PDE1C: variants seen among roughly 807,000 people sequenced by gnomAD.
PDE1C encodes the protein dual specificity calcium/calmodulin-dependent 3',5'-cyclic nucleotide phosphodiesterase 1C.
PDE1C carries 62 observed loss-of-function variants against 93.1 expected under a neutral mutation model. The observed-to-expected ratio is 0.67, with a 90% CI of 0.54 to 0.82. The LOEUF (loss-of-function observed/expected upper bound fraction) is 0.82. Ranked by LOEUF, PDE1C falls within the 40% of genes least tolerant of loss-of-function variation. The pLI, the probability that PDE1C is intolerant of heterozygous loss-of-function variation, is 0.00. For synonymous variants in PDE1C, 325 were observed against 310.1 expected, an observed-to-expected ratio of 1.05 and a Z score of -0.50; for missense variants, 742 against 884.6, an observed-to-expected ratio of 0.84 and a Z score of 2.04.
chr7:32,384,893 T>A (rs1784595892), intron 1 of PDE1C, among the ~76,000 whole-genome samples: 1 of 152,174 alleles, frequency 6.6e-6, no homozygotes. Flanking sequence ...ATGCCAATGG[T>A]GCTGGTACAT....
intron 2 of PDE1C, among the ~76,000 whole-genome samples, chr7:31,957,965 A>C (rs995222780): frequency 6.6e-6 from 1 of 152,210 alleles, no homozygotes; most frequent in African/African-American, 2.4e-5. Context: ...AGTATGACAC[A>C]TATGGAATGT....
At chr7:32,036,576 C>G (rs1260170836) in intron 2 of PDE1C, among the ~76,000 whole-genome samples, 1 of 152,012 alleles carries the variant, frequency 6.6e-6, no homozygotes, top group Non-Finnish European at 1.5e-5. Context: ...AAGTAGCAAG[C>G]TTGATCAAGA....
intron 3 of PDE1C, among the ~76,000 whole-genome samples, chr7:32,138,667 TATTA>T (rs1270163526): frequency 6.6e-5 from 10 of 152,278 alleles, no homozygotes; most frequent in South Asian, 4.1e-4. Context: ...TAATAAAAAT[TATTA>T]ATTAATTAAT....
intron 1 of PDE1C, among the ~76,000 whole-genome samples, chr7:32,342,273 T>G (rs940261023): frequency 6.6e-6 from 1 of 152,134 alleles, no homozygotes; most frequent in Non-Finnish European, 1.5e-5. Context: ...TAGCAGAGAT[T>G]TAGACACGCA....
intron 3 of PDE1C, among the ~76,000 whole-genome samples, chr7:32,095,341 G>A (rs1317606360): frequency 6.6e-6 from 1 of 152,190 alleles, no homozygotes; most frequent in Non-Finnish European, 1.5e-5. Flanking sequence ...ATCAGGTTAT[G>A]TGCCCATGAC....
chr7:31,730,667 G>GCTAT, the PDE1C span, among the ~76,000 whole-genome samples: 1 of 152,190 alleles, frequency 6.6e-6, no homozygotes, highest in African/African-American at 2.4e-5. Context: ...CAGATATAGA[G>GCTAT]GTTGAGTCGT....
At chr7:32,183,553 G>C (rs1562557184) in intron 2 of PDE1C, among the ~76,000 whole-genome samples, 1 of 152,160 alleles carries the variant, frequency 6.6e-6, no homozygotes, top group Non-Finnish European at 1.5e-5. Context: ...AATGGGGAAA[G>C]GATTCCCTAT....
chr7:32,200,495 ATCTC>A (rs777204556), intron 2 of PDE1C, among the ~76,000 whole-genome samples: 15 of 152,100 alleles, frequency 9.9e-5, no homozygotes, highest in Non-Finnish European at 2.2e-4. Flanking sequence ...TGTTTTCCTG[ATCTC>A]TCTTTTATTA....
chr7:31,620,225 T>C, the PDE1C span, among the ~76,000 whole-genome samples: 147,959 of 151,590 alleles, frequency 0.98, 72,219 homozygotes, highest in East Asian at 0.99. Context: ...CAGACTTAAA[T>C]GTCCCTGTCT....
intron 3 of PDE1C, among the ~76,000 whole-genome samples, chr7:32,129,914 C>A (rs1221862683): frequency 2.0e-5 from 3 of 151,938 alleles, no homozygotes; most frequent in Non-Finnish European, 4.4e-5. Context: ...TCCTAACGTT[C>A]TTTTACATGG....
intron 2 of PDE1C, among the ~76,000 whole-genome samples, chr7:32,206,670 C>A (rs1268699558): frequency 6.6e-6 from 1 of 152,174 alleles, no homozygotes; most frequent in Admixed American, 6.5e-5. Flanking sequence ...TTCCATGCGG[C>A]ACCCATGTGA....
chr7:31,772,244 G>C (rs975433095), intron 17 of PDE1C, among the ~76,000 whole-genome samples: 3 of 152,118 alleles, frequency 2.0e-5, no homozygotes, highest in African/African-American at 7.2e-5. Flanking sequence ...TGGCAGAAAA[G>C]CTGTCCCAAT....
intron 2 of PDE1C, among the ~76,000 whole-genome samples, chr7:31,909,539 T>G (rs1305354252): frequency 6.6e-6 from 1 of 152,154 alleles, no homozygotes; most frequent in African/African-American, 2.4e-5. Flanking sequence ...CTATGAGATG[T>G]CATGCCAGAG....
At chr7:31,658,418 T>A in the PDE1C span, 1 of 1,481,872 alleles carries the variant, frequency 6.7e-7, no homozygotes, top group Non-Finnish European at 8.9e-7. Flanking sequence ...GAGAAAATAA[T>A]CAGTTTCCAG....
chr7:32,423,652 C>A (rs1338196685), intron 1 of PDE1C, among the ~76,000 whole-genome samples: 2 of 152,162 alleles, frequency 1.3e-5, no homozygotes. Context: ...ATCCTAGTAT[C>A]TGAGAGGACC....
At chr7:31,714,480 A>G in the PDE1C span, among the ~76,000 whole-genome samples, 2 of 152,312 alleles carry the variant, frequency 1.3e-5, 1 homozygote, top group African/African-American at 4.8e-5. Context: ...CCTGTTACCC[A>G]GTTCCAAAGT....
At chr7:31,643,182 T>C in the PDE1C span, 1 of 1,613,846 alleles carries the variant, frequency 6.2e-7, no homozygotes, top group South Asian at 1.1e-5. Flanking sequence ...GAAATGATCA[T>C]ACTCAAGACA....
chr7:32,107,011 A>AT (rs545902398), intron 3 of PDE1C, among the ~76,000 whole-genome samples: 67 of 151,358 alleles, frequency 4.4e-4, no homozygotes, highest in Non-Finnish European at 8.8e-4. Flanking sequence ...AATGCCAGAA[A>AT]TAAATTTTAA....
chr7:31,790,396 T>A (rs570211613), intron 16 of PDE1C: 37 of 679,434 alleles, frequency 5.4e-5, no homozygotes, highest in African/African-American at 3.9e-4. Flanking sequence ...TCCATACTGG[T>A]CATTGCTGTC....
Sources: gnomAD v4.1 joint callset for allele counts (sites outside exome capture counted in the v4.1 genomes callset) on GRCh38, gnomAD v4.1.1 for gene constraint, MANE v1.5 for transcripts, NCBI Gene and HGNC (gene_info 2026-07-23, HGNC 2026-07-21) for gene names.